The following NCOR2 variants were observed in gnomAD, a reference collection of about 807,000 sequenced individuals.
NCOR2 encodes the protein CTG repeat protein 26.
A neutral mutation model predicts 262.9 loss-of-function variants in NCOR2; 81 were observed. The ratio of observed to expected loss-of-function variants is 0.31; its 90% CI spans 0.26 to 0.37. The LOEUF (loss-of-function observed/expected upper bound fraction) is 0.37. Among genes scored for constraint, NCOR2 ranks in the 10% least tolerant of loss-of-function variants. The pLI is 1.00. For missense variants in NCOR2, 3,385 were observed against 3,621.4 expected (o/e 0.93, Z 1.68); for synonymous variants, 1,659 against 1,559.3 (o/e 1.06, Z -1.51).
rs757198983 is a variant in NCOR2 at position 124,483,803 on chromosome 12, T to TCCAACGTCACAC, written c.234-31_234-30insGTGTGACGTTGG. On this transcript the variant is annotated intron_variant, in intron 2 of 46. Coordinates refer to ENST00000405201, the Ensembl canonical transcript of NCOR2. The surrounding 1 kb of genome is among the most constrained non-coding windows in gnomAD (Gnocchi z 6.3). ...AGGAGGTGAGGCATCCAACGTCACA[T>TCCAACGTCACAC]AGGAGATTGCGGCTCTGAGAACTCC... The TCCAACGTCACAC allele has an allele frequency of 6.4e-7, 1 of 1,556,014 alleles. No individual in the cohort carries two copies. The highest frequency in any genetic ancestry group is 1.2e-5 in the South Asian group (1 of 83,076).
At chr12:124,346,906 G>C (rs1395040007) in intron 30 of NCOR2, 56 bp from the exon 33 acceptor site, 3 of 1,438,934 alleles carry the variant, frequency 2.1e-6, no homozygotes, top group Non-Finnish European at 2.7e-6. Flanking sequence ...CCCATCAAGA[G>C]CCTCCACACC....
chr12:124,509,894 C>T (rs1383726716), intron 1 of NCOR2, among the ~76,000 whole-genome samples: 1 of 152,142 alleles, frequency 6.6e-6, no homozygotes, highest in Admixed American at 6.5e-5. Context: ...TAACCTGAGC[C>T]TCCGGACCTC....
intron 1 of NCOR2, among the ~76,000 whole-genome samples, chr12:124,516,060 AC>A (rs372980318): frequency 3.3e-5 from 5 of 150,596 alleles, no homozygotes; most frequent in Admixed American, 1.3e-4. Flanking sequence ...ATGGATGAGA[AC>A]CCCCCCGCCT....
At chr12:124,412,860 C>G (rs930790471) in intron 13 of NCOR2, among the ~76,000 whole-genome samples, 2 of 152,248 alleles carry the variant, frequency 1.3e-5, no homozygotes, top group Non-Finnish European at 2.9e-5. Flanking sequence ...CCGACATGCA[C>G]TCACATCTGA....
intron 4 of NCOR2, among the ~76,000 whole-genome samples, chr12:124,467,754 C>CA: frequency 8.4e-6 from 1 of 118,730 alleles, no homozygotes; most frequent in African/African-American, 3.2e-5. Flanking sequence ...TCACCCTCAT[C>CA]TTCATCACCC....
At chr12:124,489,017 C>T (rs1412940793) in intron 1 of NCOR2, among the ~76,000 whole-genome samples, 1 of 151,980 alleles carries the variant, frequency 6.6e-6, no homozygotes, top group Admixed American at 6.5e-5. Flanking sequence ...GGGAGACACT[C>T]GGTCCACACT....
chr12:124,462,383 C>T (rs904320174), intron 5 of NCOR2, among the ~76,000 whole-genome samples: 1 of 152,232 alleles, frequency 6.6e-6, no homozygotes, highest in African/African-American at 2.4e-5. Context: ...CAAGCCCCTC[C>T]GCTGGCTGCA....
exon 5 of NCOR2, chr12:124,466,176 G>A (rs1406782999): frequency 1.0e-5 from 16 of 1,607,056 alleles, no homozygotes; most frequent in Non-Finnish European, 1.2e-5. Flanking sequence ...CACATACCCG[G>A]TTCTCGTCGT....
At chr12:124,557,862 C>T (rs1427888616) in intron 1 of NCOR2, among the ~76,000 whole-genome samples, 2 of 152,136 alleles carry the variant, frequency 1.3e-5, no homozygotes, top group African/African-American at 4.8e-5. Flanking sequence ...CCCTGTGGAC[C>T]TGGCCAAGCC....
chr12:124,397,928 C>G (rs764424253), intron 16 of NCOR2, among the ~76,000 whole-genome samples, 191 bp downstream of exon 18: 1 of 152,232 alleles, frequency 6.6e-6, no homozygotes, highest in Non-Finnish European at 1.5e-5. Flanking sequence ...CTGCACAGAC[C>G]CATTTTCTGG....
chr12:124,525,358 G>A (rs1218070720), intron 1 of NCOR2, among the ~76,000 whole-genome samples: 3 of 152,204 alleles, frequency 2.0e-5, no homozygotes, highest in African/African-American at 7.2e-5. Flanking sequence ...CCCCGAAACT[G>A]AAGTCATCCC....
chr12:124,395,699 G>A lies in NCOR2; in HGVS notation c.1876+2420C>T, dbSNP rs372933961. 1.1e-4 allele frequency among the ~76,000 whole-genome samples: 17 copies of A among 152,250 alleles called. No homozygotes were observed. In the East Asian group the frequency reaches 2.7e-3, roughly 24 times the overall value. ...CAGTTCTCAGGCAATGGGCGGTGGGGGCGGGGGTGGTCACCGGTGAGGAGG... is the reference window on the plus strand; with the variant it reads ...CAGTTCTCAGGCAATGGGCGGTGGGAGCGGGGGTGGTCACCGGTGAGGAGG... On this transcript the variant is annotated intron_variant, in intron 16 of 46. Coordinates refer to ENST00000405201, the Ensembl canonical transcript of NCOR2.
In NCOR2 at chr12:124,443,865, C is replaced by G. The variant is rs2044980330; in HGVS notation, c.816-5869G>C. ...AACCAGAGGCTGTTACACAAAAAGCCAAACCTAAAGCTTCTCTTGAAAACA... is the reference window on the plus strand; with the variant it reads ...AACCAGAGGCTGTTACACAAAAAGCGAAACCTAAAGCTTCTCTTGAAAACA... On this transcript the variant is annotated intron_variant, in intron 7 of 46. Transcript: ENST00000405201. The surrounding 1 kb of genome is among the most constrained non-coding windows in gnomAD (Gnocchi z 4.4). Among the ~76,000 whole-genome samples, 1 of 152,220 alleles carries G rather than the reference C, an allele frequency of 6.6e-6. No homozygotes were observed. Among genetic ancestry groups the G allele is most frequent in the Non-Finnish European group, 1.5e-5 (1 of 68,020 alleles).
chr12:124,448,473 C>T (rs866837400), intron 7 of NCOR2, among the ~76,000 whole-genome samples: 3 of 152,322 alleles, frequency 2.0e-5, no homozygotes, highest in South Asian at 2.1e-4. Context: ...GGACCCCTGG[C>T]GCAGAACACA....
At chr12:124,501,967 C>G (rs1216135524) in intron 1 of NCOR2, among the ~76,000 whole-genome samples, 1 of 152,218 alleles carries the variant, frequency 6.6e-6, no homozygotes, top group African/African-American at 2.4e-5. Context: ...GATGTGCGCA[C>G]AAGACGCTGC....
intron 21 of NCOR2, among the ~76,000 whole-genome samples, chr12:124,362,514 G>C (rs1403324540): frequency 6.6e-6 from 1 of 151,234 alleles, no homozygotes; most frequent in African/African-American, 2.4e-5. Context: ...GTGGTGAACA[G>C]GGGGAGCTCA....
At chr12:124,331,920 G>A (rs533600855) in intron 43 of NCOR2, 7 of 210,580 alleles carry the variant, frequency 3.3e-5, no homozygotes, top group African/African-American at 1.6e-4. Flanking sequence ...CAGGCGCTGT[G>A]CTAGGGACTG....
At chr12:124,372,692 T>A in intron 19 of NCOR2, 82 bp from the exon 22 acceptor site, 1 of 1,246,272 alleles carries the variant, frequency 8.0e-7, no homozygotes, top group Non-Finnish European at 1.1e-6. Context: ...ACCCTCCGGA[T>A]GAGGCCGCTC....
chr12:124,338,911 C>T (rs2036140279), intron 37 of NCOR2, among the ~76,000 whole-genome samples: 1 of 144,450 alleles, frequency 6.9e-6, no homozygotes, highest in African/African-American at 2.5e-5. Context: ...CCCACCCATC[C>T]ACCCACCCAC....
Sources: gnomAD v4.1 joint callset for allele counts (sites outside exome capture counted in the v4.1 genomes callset) on GRCh38, gnomAD v4.1.1 for gene constraint, Gnocchi (gnomAD v3.1) non-coding constraint, MANE v1.5 for transcripts, NCBI Gene and HGNC (gene_info 2026-07-23, HGNC 2026-07-21) for gene names.